The following MRPS9 variants were observed in gnomAD, a reference collection of about 807,000 sequenced individuals.
MRPS9 encodes the protein small ribosomal subunit protein uS9m.
Under a neutral mutation model 59.9 loss-of-function variants are expected in MRPS9, and 45 were observed. The observed-to-expected ratio is 0.75, with a 90% CI of 0.59 to 0.96. The LOEUF is 0.96. Among genes scored for constraint, MRPS9 ranks in the 40% least tolerant of loss-of-function variants. The pLI is 0.00. For missense variants in MRPS9, 473 were observed against 481.1 expected (o/e 0.98, Z 0.16); for synonymous variants, 171 against 166.8 (o/e 1.03, Z -0.19).
At chr2:105,039,124 C>G (rs1558748086) in intron 1 of MRPS9, among the ~76,000 whole-genome samples, 1 of 151,888 alleles carries the variant, frequency 6.6e-6, no homozygotes, top group Non-Finnish European at 1.5e-5. Context: ...GAGAAACCAG[C>G]CAGTGTGGTG....
chr2:105,099,545 T>G lies in MRPS9; in HGVS notation c.1100-125T>G, dbSNP rs571622819. The G allele has an allele frequency of 5.5e-6, 4 of 728,346 alleles. No individual in the cohort carries two copies. The East Asian group carries it at 1.1e-4, about 21-fold the overall frequency. The allele number at this position is 728,346 out of a possible 1,614,324, so 45.1% of individuals were successfully genotyped here. A position where few individuals can be genotyped will look rare whatever the true frequency, so the allele number is the denominator to read the frequency against. Reference sequence around the variant, plus strand: ...TGATACTGGGCTGGTAAATTATTACTGGTCTGGTTGCTTTCCTCTAGTTTT... The same window carrying G: ...TGATACTGGGCTGGTAAATTATTACGGGTCTGGTTGCTTTCCTCTAGTTTT... On this transcript the variant is annotated intron_variant, in intron 10 of 10. Transcript: ENST00000258455.
intron 1 of MRPS9, 144 bp downstream of exon 1, chr2:105,038,371 G>C: frequency 9.1e-7 from 1 of 1,092,906 alleles, no homozygotes; most frequent in Non-Finnish European, 1.3e-6. Context: ...GAGGTTGGGG[G>C]GGAGGAGGTG....
intron 7 of MRPS9, 131 bp downstream of exon 7, chr2:105,090,126 AAAAACAAAAC>A (rs147318136): frequency 8.3e-6 from 4 of 481,298 alleles, no homozygotes; most frequent in East Asian, 3.6e-5. Context: ...TTCTTTCTTT[AAAAACAAAAC>A]AAAACAAAAC....
In MRPS9 at chr2:105,080,823, T is replaced by C. The variant is rs138235624; in HGVS notation, c.489+761T>C. 4.0e-3 allele frequency among the ~76,000 whole-genome samples: 608 copies of C among 152,334 alleles called. 5 individuals are homozygous for C. Among genetic ancestry groups the C allele is most frequent in the African/African-American group, 0.014 (577 of 41,590 alleles). ...CTTGAATCAGTGCACACATTTACTC[T>C]GCTTTTTAGAATTATCTGCTGTTTA... On this transcript the variant is annotated intron_variant, in intron 5 of 10. Transcript: ENST00000258455.
intron 4 of MRPS9, among the ~76,000 whole-genome samples, chr2:105,078,312 TCAA>T (rs1680254767): frequency 1.2e-5 from 1 of 86,496 alleles, no homozygotes; most frequent in African/African-American, 5.2e-5. Context: ...TTCGGTGAAG[TCAA>T]GTGTGTGTGT....
intron 2 of MRPS9, among the ~76,000 whole-genome samples, chr2:105,052,695 A>T (rs1653367995): frequency 1.3e-5 from 2 of 152,054 alleles, no homozygotes; most frequent in Admixed American, 1.3e-4. Flanking sequence ...ATTTGTATTA[A>T]TTCCTCTTTA....
At chr2:105,047,252 G>C (rs1679609881) in intron 1 of MRPS9, among the ~76,000 whole-genome samples, 2 of 152,010 alleles carry the variant, frequency 1.3e-5, no homozygotes. Context: ...GATCTCCTAA[G>C]TAAAAATAAA....
intron 2 of MRPS9, among the ~76,000 whole-genome samples, chr2:105,066,713 A>G (rs899448106): frequency 1.3e-5 from 2 of 151,746 alleles, no homozygotes; most frequent in African/African-American, 4.8e-5. Flanking sequence ...CTTCCACGCC[A>G]TCTAGTATTC....
intron 2 of MRPS9, among the ~76,000 whole-genome samples, chr2:105,066,238 T>G (rs1397714812): frequency 6.6e-6 from 1 of 152,232 alleles, no homozygotes; most frequent in Non-Finnish European, 1.5e-5. Flanking sequence ...TCTTTTGCTC[T>G]GTGGACCTTT....
At chr2:105,062,250 T>C (rs1018345803) in intron 2 of MRPS9, among the ~76,000 whole-genome samples, 3 of 152,216 alleles carry the variant, frequency 2.0e-5, no homozygotes, top group African/African-American at 4.8e-5. Context: ...CTGAATGAAA[T>C]AGGGTATCTA....
intron 4 of MRPS9, among the ~76,000 whole-genome samples, chr2:105,074,951 T>C (rs1680177989): frequency 6.6e-6 from 1 of 152,110 alleles, no homozygotes; most frequent in South Asian, 2.1e-4. Context: ...ATTATTACAT[T>C]GTAAGATATA....
chr2:105,061,967 A>T (rs926734275), intron 2 of MRPS9, among the ~76,000 whole-genome samples: 1 of 152,208 alleles, frequency 6.6e-6, no homozygotes, highest in Non-Finnish European at 1.5e-5. Flanking sequence ...TCTTTCTAGT[A>T]GCAAGTTAAA....
At chr2:105,077,736 T>G (rs895276039) in intron 4 of MRPS9, among the ~76,000 whole-genome samples, 1 of 152,054 alleles carries the variant, frequency 6.6e-6, no homozygotes, top group African/African-American at 2.4e-5. Context: ...AAACAGAAAC[T>G]AAAATACACA....
chr2:105,059,728 A>G (rs1679861173), intron 2 of MRPS9, among the ~76,000 whole-genome samples: 1 of 152,108 alleles, frequency 6.6e-6, no homozygotes, highest in Non-Finnish European at 1.5e-5. Flanking sequence ...AGTGGGCCAA[A>G]CCACAATTTG....
intron 5 of MRPS9, among the ~76,000 whole-genome samples, chr2:105,084,028 C>T (rs1355151576): frequency 6.6e-6 from 1 of 151,976 alleles, no homozygotes; most frequent in African/African-American, 2.4e-5. Flanking sequence ...GATATCAGCC[C>T]CAATACCCTA....
At chr2:105,095,981 A>C (rs1362354964) in intron 9 of MRPS9, among the ~76,000 whole-genome samples, 1 of 152,148 alleles carries the variant, frequency 6.6e-6, no homozygotes, top group Admixed American at 6.5e-5. Context: ...TAGTTATCAT[A>C]GTATATTAAT....
intron 2 of MRPS9, among the ~76,000 whole-genome samples, chr2:105,050,879 A>G (rs1459442015): frequency 1.3e-5 from 2 of 152,204 alleles, no homozygotes; most frequent in Admixed American, 6.5e-5. Flanking sequence ...TGTTTCACTT[A>G]GCACAATGTT....
chr2:105,076,930 C>T (rs371528503), intron 4 of MRPS9, among the ~76,000 whole-genome samples: 11 of 151,916 alleles, frequency 7.2e-5, no homozygotes, highest in African/African-American at 2.4e-4. Context: ...TACCAGTAAG[C>T]ATTTGAAAAT....
intron 1 of MRPS9, among the ~76,000 whole-genome samples, chr2:105,039,159 A>G (rs1352078379): frequency 6.6e-6 from 1 of 152,120 alleles, no homozygotes; most frequent in Non-Finnish European, 1.5e-5. Flanking sequence ...TGAATGTTTC[A>G]AGGAGGGAGA....
Sources: gnomAD v4.1 joint callset for allele counts (sites outside exome capture counted in the v4.1 genomes callset) on GRCh38, gnomAD v4.1.1 for gene constraint, MANE v1.5 for transcripts, NCBI Gene and HGNC (gene_info 2026-07-23, HGNC 2026-07-21) for gene names.